Variants in TRPV5 observed in about 807,000 individuals in gnomAD.
TRPV5 encodes the protein transient receptor potential cation channel subfamily V member 5.
TRPV5 carries 66 observed loss-of-function variants against 74.1 expected under a neutral mutation model. The observed-to-expected ratio is 0.89, with a 90% CI of 0.73 to 1.09. The LOEUF (loss-of-function observed/expected upper bound fraction) is 1.09. TRPV5 is among the 50% of genes least tolerant of loss of function. The pLI, the probability that TRPV5 is intolerant of heterozygous loss-of-function variation, is 0.00. For missense variants in TRPV5, 936 were observed against 930.4 expected (o/e 1.01, Z -0.08); for synonymous variants, 399 against 360.7 (o/e 1.11, Z -1.20).
chr7:142,912,660 A>T lies in TRPV5; in HGVS notation c.1610T>A (p.Phe537Tyr). The T allele has an allele frequency of 6.2e-7, 1 of 1,614,260 alleles. No individual in the cohort carries two copies. The highest frequency in any genetic ancestry group is 8.5e-7 in the Non-Finnish European group (1 of 1,180,044). Reference protein sequence around the residue: ...PMALFTTFELFLTVIDAPANY... With the variant: ...PMALFTTFELYLTVIDAPANY... Reference sequence around the variant, plus strand: ...GGCAGGTGCATCAATAACAGTGAGAAAAAGCTCAAAGGTGGTGAACAGTGC... The same window carrying T: ...GGCAGGTGCATCAATAACAGTGAGATAAAGCTCAAAGGTGGTGAACAGTGC... Residue 537 changes from phenylalanine (F) to tyrosine (Y), a missense_variant, in exon 13 of 15, where the codon TTT becomes TAT. Coordinates refer to ENST00000265310, the MANE Select transcript of TRPV5 (RefSeq NM_019841.7).
intron 8 of TRPV5, among the ~76,000 whole-genome samples, chr7:142,916,777 G>A (rs1414809243): frequency 2.6e-5 from 4 of 152,146 alleles, no homozygotes; most frequent in African/African-American, 7.2e-5. Context: ...TCACCTGCCC[G>A]GTGAGAGGCA....
intron 8 of TRPV5, among the ~76,000 whole-genome samples, chr7:142,915,912 T>C (rs1307560875): frequency 6.6e-6 from 1 of 152,244 alleles, no homozygotes; most frequent in Non-Finnish European, 1.5e-5. Context: ...GAGGTATTAG[T>C]GGCTTGGGAT....
At chr7:142,930,610 G>A (rs956807140) in intron 1 of TRPV5, among the ~76,000 whole-genome samples, 164 bp from the exon 2 acceptor site, 2 of 152,246 alleles carry the variant, frequency 1.3e-5, no homozygotes, top group Admixed American at 6.5e-5. Flanking sequence ...GGGTGGACTT[G>A]GGCAAGGGTC....
rs1427090262 is a variant in TRPV5, at chr7:142,914,941, A to C, written c.1392T>G (p.Ser464Arg). 1.2e-6 allele frequency: 2 copies of C among 1,613,936 alleles called. No homozygotes were observed. Among genetic ancestry groups the C allele is most frequent in the African/African-American group, 2.7e-5 (2 of 74,866 alleles). The change falls in exon 11 of 15, where the codon AGT becomes AGG. Residue 464 changes from serine to arginine, a missense_variant. Coordinates refer to ENST00000265310, the MANE Select transcript of TRPV5 (RefSeq NM_019841.7). ...MSFALVLGWC[S>R]VMYFTRGFQM... Reference sequence around the variant, plus strand: ...GGAATCCTCGAGTGAAATACATGACACTGCACCAGCCCAGCACCAGGGCAA... The same window carrying C: ...GGAATCCTCGAGTGAAATACATGACCCTGCACCAGCCCAGCACCAGGGCAA...
chr7:142,911,114 C>T (rs566925346), intron 13 of TRPV5, among the ~76,000 whole-genome samples: 33 of 152,262 alleles, frequency 2.2e-4, no homozygotes, highest in African/African-American at 7.7e-4. Context: ...GTGGGGCCCT[C>T]GGAGCTGCGT....
At chr7:142,924,375 CAT>C (rs761091491) in intron 8 of TRPV5, among the ~76,000 whole-genome samples, 12,952 of 25,484 alleles carry the variant, frequency 0.51, 3,406 homozygotes, top group Admixed American at 0.62. Context: ...TATATATATA[CAT>C]ATATATATAT....
At chr7:142,928,323 C>T (rs1465008314) in intron 6 of TRPV5, 89 bp from the exon 7 acceptor site, 2 of 1,370,328 alleles carry the variant, frequency 1.5e-6, no homozygotes, top group African/African-American at 1.4e-5. Flanking sequence ...AGTTGCCCAC[C>T]CCTTGAGACA....
intron 13 of TRPV5, among the ~76,000 whole-genome samples, chr7:142,911,451 T>C (rs555760836): frequency 3.9e-5 from 6 of 152,360 alleles, no homozygotes; most frequent in Non-Finnish European, 7.3e-5. Context: ...TCCTTCCTTT[T>C]AACTACCTAG....
At chr7:142,911,941 A>T (rs1795708783) in intron 13 of TRPV5, among the ~76,000 whole-genome samples, 1 of 152,120 alleles carries the variant, frequency 6.6e-6, no homozygotes, top group Non-Finnish European at 1.5e-5. Flanking sequence ...AATATGGGAA[A>T]ACTCCCTTCC....
chr7:142,908,815 AG>A lies in TRPV5; in HGVS notation c.1896-8del. 6.2e-7 allele frequency: 1 copy of A among 1,603,404 alleles called. No individual in the cohort carries two copies. On this transcript the variant is annotated splice_polypyrimidine_tract_variant and splice_region_variant and intron_variant, in intron 14 of 14. Transcript: ENST00000265310. ...ATCATTGTGGTTCTCAACCCTGATA[AG>A]GGGAAAGGGGAAAGGACTCAATCCA...
chr7:142,922,495 AAG>A (rs1400900494), intron 8 of TRPV5, among the ~76,000 whole-genome samples: 1 of 152,192 alleles, frequency 6.6e-6, no homozygotes, highest in Admixed American at 6.5e-5. Flanking sequence ...GGCTCACTCA[AAG>A]AGTTTCTTAA....
At position 142,912,567 on chromosome 7, in the gene TRPV5, A is replaced by T. The variant is rs751538298; in HGVS notation, c.1703T>A (p.Leu568Gln). 2 of 1,614,160 alleles carry T rather than the reference A, an allele frequency of 1.2e-6. No homozygotes were observed. The highest frequency in any genetic ancestry group is 1.7e-6 in the Non-Finnish European group (2 of 1,179,952). ...GGCGATGAACAAGTTGAGCATGAGC[A>T]GTGTGGCAATGATGGTGAAGGCGAA... ...VNFAFTIIAT[L>Q]LMLNLFIAMM... The change falls in exon 13 of 15, where the codon CTG (leucine) becomes CAG (glutamine). Residue 568 changes from leucine (L) to glutamine (Q), a missense_variant. Transcript: ENST00000265310.
At position 142,930,398 on chromosome 7, in the gene TRPV5, A is replaced by G. The variant is rs764109475; in HGVS notation, c.177T>C (p.Ser59=). The change falls in exon 2 of 15, where the codon TCT becomes TCC. Residue 59 remains serine, a synonymous_variant. Transcript: ENST00000265310. ...AGTCCAGTAGAAGTTGCCTAAGAAC[A>G]GACAGGTCATTTTCCTTGGATGCTC... The part of the protein sequence containing the change: ...LLRASKENDL[S]VLRQLLLDCT... 35 of 1,614,100 alleles carry G rather than the reference A, an allele frequency of 2.2e-5. No individual in the cohort carries two copies. The highest frequency in any genetic ancestry group is 2.7e-5 in the Non-Finnish European group (32 of 1,180,042).
At chr7:142,926,324 G>A (rs1795989196) in intron 7 of TRPV5, among the ~76,000 whole-genome samples, 1 of 152,220 alleles carries the variant, frequency 6.6e-6, no homozygotes, top group South Asian at 2.1e-4. Flanking sequence ...AGTAGGATGT[G>A]GCAGGGTGGG....
chr7:142,913,822 T>C (rs184513411), intron 12 of TRPV5, among the ~76,000 whole-genome samples: 1 of 152,338 alleles, frequency 6.6e-6, no homozygotes, highest in African/African-American at 2.4e-5. Context: ...CCTCTTCTTG[T>C]CTAATAGATG....
Position 142,933,196 on chromosome 7 carries a change from G to A in TRPV5, c.128+136C>T, listed in dbSNP as rs1796124965. 18 of 1,227,956 alleles carry A rather than the reference G, an allele frequency of 1.5e-5. No homozygotes were observed. The South Asian group carries it at 2.5e-4, about 17-fold the overall frequency. The allele number at this position is 1,227,956 out of a possible 1,614,324, so 76.1% of individuals were successfully genotyped here. A position where few individuals can be genotyped will look rare whatever the true frequency, so the allele number is the denominator to read the frequency against. ...CTGGGATTCTGTAATTAGGTGGGCT[G>A]GAAGGAAAGGGTATGTCTGAGTGAC... is the stretch of plus-strand genomic sequence containing the variant. On this transcript the variant is annotated intron_variant, in intron 1 of 14. Coordinates refer to ENST00000265310, the MANE Select transcript of TRPV5 (RefSeq NM_019841.7).
At position 142,914,634 on chromosome 7, in the gene TRPV5, C is replaced by A; in HGVS notation, c.1519+6G>T. The A allele has an allele frequency of 6.2e-7, 1 of 1,612,382 alleles. No individual in the cohort carries two copies. The highest frequency in any genetic ancestry group is 1.7e-5 in the Admixed American group (1 of 59,826). On this transcript the variant is annotated splice_donor_region_variant and intron_variant, in intron 12 of 14. Coordinates refer to ENST00000265310, the MANE Select transcript of TRPV5 (RefSeq NM_019841.7). ...TGATCTAGTAGAGGAGTGTATGGTGCCTTACCGGAGGCAAATCCCAAGATG... is the reference window on the plus strand; with the variant it reads ...TGATCTAGTAGAGGAGTGTATGGTGACTTACCGGAGGCAAATCCCAAGATG...
intron 8 of TRPV5, among the ~76,000 whole-genome samples, chr7:142,918,557 A>T (rs1795833673): frequency 6.6e-6 from 1 of 152,220 alleles, no homozygotes; most frequent in Non-Finnish European, 1.5e-5. Context: ...CTAGCTCCCC[A>T]ATGCCTTCAG....
chr7:142,924,081 C>T (rs1430954330), intron 8 of TRPV5, among the ~76,000 whole-genome samples: 3 of 151,706 alleles, frequency 2.0e-5, no homozygotes, highest in South Asian at 4.2e-4. Flanking sequence ...GTCTCCATGC[C>T]AGGGACAACT....
Sources: allele counts gnomAD v4.1 joint callset (sites outside exome capture counted in the v4.1 genomes callset), GRCh38; gene constraint gnomAD v4.1.1; transcripts MANE v1.5; gene names NCBI Gene and HGNC (gene_info 2026-07-23, HGNC 2026-07-21).